ZNF334: variants seen among roughly 807,000 people sequenced by gnomAD.
ZNF334 encodes the protein zinc finger protein 334.
A neutral mutation model predicts 12.4 loss-of-function variants in ZNF334; 14 were observed. That is an observed-to-expected ratio of 1.13 (90% CI 0.74 to 1.76). ZNF334 has a LOEUF of 1.76. ZNF334 is among the 40% of genes most tolerant of loss of function. The probability of loss-of-function intolerance (pLI) is 0.00; values close to 1 mark genes in which losing one functional copy is unlikely to be tolerated. For synonymous variants in ZNF334, 273 were observed against 269.6 expected, an observed-to-expected ratio of 1.01 and a Z score of -0.12; for missense variants, 797 against 804.5, an observed-to-expected ratio of 0.99 and a Z score of 0.11.
chr20:46,471,046 G>T, the ZNF334 span, among the ~76,000 whole-genome samples: 3 of 152,118 alleles, frequency 2.0e-5, no homozygotes, highest in African/African-American at 7.2e-5. Flanking sequence ...TTTCTTTCTG[G>T]AAATTGTAAA....
chr20:46,471,443 C>G, the ZNF334 span, among the ~76,000 whole-genome samples: 1 of 152,152 alleles, frequency 6.6e-6, no homozygotes, highest in African/African-American at 2.4e-5. Flanking sequence ...TTTTGAGGAA[C>G]AGGAGTTCTT....
chr20:46,488,919 T>C, the ZNF334 span, among the ~76,000 whole-genome samples: 1 of 151,992 alleles, frequency 6.6e-6, no homozygotes, highest in African/African-American at 2.4e-5. Context: ...ACATAACGTC[T>C]TTTTCCCCCC....
intron 2 of ZNF334, among the ~76,000 whole-genome samples, chr20:46,510,709 G>A (rs547943727): frequency 6.8e-6 from 1 of 146,428 alleles, no homozygotes; most frequent in South Asian, 2.2e-4. Context: ...AGTGAGCTGA[G>A]ATCGTGCCAC....
the ZNF334 span, among the ~76,000 whole-genome samples, chr20:46,488,419 T>TATA: frequency 9.8e-6 from 1 of 102,242 alleles, no homozygotes; most frequent in African/African-American, 4.3e-5. Flanking sequence ...AGCTCTTATT[T>TATA]TATATATATA....
the ZNF334 span, among the ~76,000 whole-genome samples, chr20:46,473,899 T>C: frequency 1.0e-3 from 153 of 152,324 alleles, no homozygotes; most frequent in African/African-American, 3.5e-3. Flanking sequence ...TTGTACGTGA[T>C]TGTATATTGG....
chr20:46,463,337 G>C, the ZNF334 span, among the ~76,000 whole-genome samples: 4 of 152,214 alleles, frequency 2.6e-5, no homozygotes, highest in Admixed American at 2.6e-4. Context: ...AGTATTACTT[G>C]TGTACAATTA....
At chr20:46,477,776 GA>G in the ZNF334 span, among the ~76,000 whole-genome samples, 1 of 152,168 alleles carries the variant, frequency 6.6e-6, no homozygotes, top group African/African-American at 2.4e-5. Context: ...GATTGCAATA[GA>G]ATAATTCCCT....
intron 2 of ZNF334, among the ~76,000 whole-genome samples, chr20:46,506,848 A>G (rs982978043): frequency 2.6e-5 from 4 of 152,078 alleles, no homozygotes; most frequent in African/African-American, 9.7e-5. Context: ...GTGGTGCCTC[A>G]TGCCTGTAAT....
At chr20:46,494,416 T>C in the ZNF334 span, among the ~76,000 whole-genome samples, 1 of 152,184 alleles carries the variant, frequency 6.6e-6, no homozygotes, top group African/African-American at 2.4e-5. Context: ...TCATTACTTG[T>C]GTGTTGAGGC....
intron 2 of ZNF334, among the ~76,000 whole-genome samples, chr20:46,508,474 T>C (rs567836269): frequency 2.0e-5 from 3 of 152,298 alleles, no homozygotes; most frequent in East Asian, 3.9e-4. Context: ...ATGTTCACAA[T>C]GTAGGCAGAA....
At chr20:46,464,541 C>A in the ZNF334 span, 1 of 441,058 alleles carries the variant, frequency 2.3e-6, no homozygotes, top group Admixed American at 2.8e-5. Flanking sequence ...TTCTCATGGG[C>A]CTCAGGACAA....
the ZNF334 span, chr20:46,464,277 C>G: frequency 1.4e-4 from 76 of 554,326 alleles, no homozygotes; most frequent in Non-Finnish European, 2.3e-4. Context: ...TCTCTTCTTT[C>G]TCCCGCCTGG....
chr20:46,479,477 A>G, the ZNF334 span, among the ~76,000 whole-genome samples: 1 of 152,244 alleles, frequency 6.6e-6, no homozygotes, highest in South Asian at 2.1e-4. Context: ...ACTGACCAGC[A>G]TTAACACTAA....
At chr20:46,466,775 C>T in the ZNF334 span, among the ~76,000 whole-genome samples, 12 of 152,166 alleles carry the variant, frequency 7.9e-5, no homozygotes, top group African/African-American at 2.4e-4. Flanking sequence ...TGAGCCACTA[C>T]AACTGGCCAA....
At chr20:46,484,887 T>C in the ZNF334 span, 1 of 162,378 alleles carries the variant, frequency 6.2e-6, no homozygotes, top group Non-Finnish European at 1.5e-5. Flanking sequence ...ACAAAAACAC[T>C]GCTTTAGAGG....
At position 46,501,740 on chromosome 20, in the gene ZNF334, A is replaced by G. The variant is rs1424506190; in HGVS notation, c.1599T>C (p.Ile533=). 5 of 1,614,028 alleles carry G rather than the reference A, an allele frequency of 3.1e-6. No homozygotes were observed. The highest frequency in any genetic ancestry group is 2.2e-5 in the East Asian group (1 of 44,862). Residue 533 remains isoleucine (I), a synonymous_variant, in exon 5 of 5, where the codon ATT becomes ATC. Coordinates refer to ENST00000692313, the MANE Select transcript of ZNF334 (RefSeq NM_001353824.2). ...TCTCCCATATAGTTCTCTGATGTACAATGAGGTGTGAGTTTTTGCTGACGG... is the reference window on the plus strand; with the variant it reads ...TCTCCCATATAGTTCTCTGATGTACGATGAGGTGTGAGTTTTTGCTGACGG... ...GHAVSKNSHL[I]VHQRTIWERP...
chr20:46,502,844 G>A lies in ZNF334; in HGVS notation c.495C>T (p.Tyr165=). ...TTTTCTCATGCTTCCCAAATCCACT[G>A]TATCCATCAGGAATCTTTCTGTTTT... The part of the protein sequence containing the change: ...SKENRKIPDG[Y]SGFGKHEKSH... Residue 165 remains tyrosine, a synonymous_variant, in exon 5 of 5, where the codon TAC becomes TAT. Transcript: ENST00000692313. 1.9e-6 allele frequency: 3 copies of A among 1,613,886 alleles called. 1 individual carries two copies. In the South Asian group the frequency reaches 3.3e-5, roughly 18 times the overall value.
downstream of ZNF334, among the ~76,000 whole-genome samples, chr20:46,497,624 T>C (rs2061045522): frequency 6.6e-6 from 1 of 152,222 alleles, no homozygotes; most frequent in Admixed American, 6.5e-5. Flanking sequence ...AAGATATCAG[T>C]ATATTAGTAA....
intron 2 of ZNF334, among the ~76,000 whole-genome samples, chr20:46,511,689 T>C (rs1225207995): frequency 6.6e-6 from 1 of 152,240 alleles, no homozygotes; most frequent in African/African-American, 2.4e-5. Context: ...CCTGTTCGGA[T>C]GACACTGGAT....
Sources: allele counts gnomAD v4.1 joint callset (sites outside exome capture counted in the v4.1 genomes callset), GRCh38; gene constraint gnomAD v4.1.1; transcripts MANE v1.5; gene names NCBI Gene and HGNC (gene_info 2026-07-23, HGNC 2026-07-21).